The following PDZRN4 variants were observed in gnomAD, a reference collection of about 807,000 sequenced individuals.
The protein encoded by PDZRN4 is PDZ domain containing ring finger 4.
Under a neutral mutation model 99.0 loss-of-function variants are expected in PDZRN4, and 70 were observed. The observed-to-expected ratio is 0.71, with a 90% CI of 0.58 to 0.86. PDZRN4 has a LOEUF of 0.86. Among genes scored for constraint, PDZRN4 ranks in the 40% least tolerant of loss-of-function variants. The probability of loss-of-function intolerance (pLI) is 0.00; values close to 1 mark genes in which losing one functional copy is unlikely to be tolerated. For synonymous variants in PDZRN4, 551 were observed against 501.6 expected (o/e 1.10, Z -1.32); for missense variants, 1,474 against 1,331.2 (o/e 1.11, Z -1.67).
chr12:41,252,601 A>T (rs1006813398), intron 3 of PDZRN4, among the ~76,000 whole-genome samples: 2 of 152,098 alleles, frequency 1.3e-5, no homozygotes, highest in African/African-American at 4.8e-5. Context: ...TTAGCTTGAT[A>T]TGATGGCACA....
At chr12:41,208,947 G>A (rs1950868708) in intron 3 of PDZRN4, among the ~76,000 whole-genome samples, 1 of 151,774 alleles carries the variant, frequency 6.6e-6, no homozygotes. Flanking sequence ...CATGCTATAG[G>A]AATTTGGGAT....
chr12:41,221,796 G>A (rs1566371101), intron 3 of PDZRN4, among the ~76,000 whole-genome samples: 1 of 152,056 alleles, frequency 6.6e-6, no homozygotes, highest in Non-Finnish European at 1.5e-5. Flanking sequence ...TGGTGAGAAG[G>A]AGGCAACGGA....
intron 3 of PDZRN4, among the ~76,000 whole-genome samples, chr12:41,302,303 A>G (rs1192509835): frequency 2.0e-5 from 3 of 152,140 alleles, no homozygotes; most frequent in Non-Finnish European, 2.9e-5. Flanking sequence ...AAAATCATAT[A>G]GCCACAATCA....
At chr12:41,361,628 A>T (rs1285430501) in intron 3 of PDZRN4, among the ~76,000 whole-genome samples, 1 of 152,084 alleles carries the variant, frequency 6.6e-6, no homozygotes, top group Non-Finnish European at 1.5e-5. Flanking sequence ...CATAAATGAC[A>T]TCCCATCACA....
At chr12:41,316,494 G>GTA (rs894874363) in intron 3 of PDZRN4, among the ~76,000 whole-genome samples, 33 of 145,412 alleles carry the variant, frequency 2.3e-4, no homozygotes, top group African/African-American at 4.9e-4. Flanking sequence ...GTGTGTGTGT[G>GTA]TATAAAATAA....
intron 8 of PDZRN4, among the ~76,000 whole-genome samples, chr12:41,564,298 A>G (rs12814017): frequency 0.15 from 22,814 of 152,216 alleles, 2,022 homozygotes; most frequent in Middle Eastern, 0.23. Context: ...TAACTTCTAA[A>G]TGAATTTTTT....
intron 3 of PDZRN4, among the ~76,000 whole-genome samples, chr12:41,483,097 G>A (rs1937707228): frequency 6.6e-6 from 1 of 151,854 alleles, no homozygotes; most frequent in Admixed American, 6.6e-5. Flanking sequence ...ATTTACATGA[G>A]ATCTAAAGCA....
intron 3 of PDZRN4, among the ~76,000 whole-genome samples, chr12:41,225,355 A>G (rs1174728814): frequency 6.6e-6 from 1 of 152,104 alleles, no homozygotes; most frequent in Non-Finnish European, 1.5e-5. Flanking sequence ...GAAGAAAGCT[A>G]AAAATAAAGC....
intron 3 of PDZRN4, among the ~76,000 whole-genome samples, chr12:41,286,925 C>G (rs1951426291): frequency 6.6e-6 from 1 of 152,044 alleles, no homozygotes; most frequent in Non-Finnish European, 1.5e-5. Context: ...CTTTATGTTA[C>G]CTAGGCTTGG....
chr12:41,536,175 A>G (rs1938745391), intron 5 of PDZRN4, among the ~76,000 whole-genome samples: 1 of 152,226 alleles, frequency 6.6e-6, no homozygotes, highest in Admixed American at 6.5e-5. Flanking sequence ...TAAAACAGGA[A>G]AGCAACCAAG....
chr12:41,341,864 G>A (rs947973120), intron 3 of PDZRN4, among the ~76,000 whole-genome samples: 2 of 151,752 alleles, frequency 1.3e-5, no homozygotes, highest in Non-Finnish European at 2.9e-5. Context: ...AAATTCATAT[G>A]AAAACACAAA....
chr12:41,264,126 A>G (rs963924592), intron 3 of PDZRN4, among the ~76,000 whole-genome samples: 3 of 152,236 alleles, frequency 2.0e-5, no homozygotes, highest in African/African-American at 7.2e-5. Context: ...TAGCTGCCAT[A>G]TAATTACTTA....
At chr12:41,473,800 A>C (rs1953015967) in intron 3 of PDZRN4, among the ~76,000 whole-genome samples, 1 of 152,216 alleles carries the variant, frequency 6.6e-6, no homozygotes, top group Admixed American at 6.5e-5. Context: ...GATATCCAAT[A>C]AAACCCAACC....
intron 3 of PDZRN4, among the ~76,000 whole-genome samples, chr12:41,252,879 T>A (rs1478541584): frequency 2.0e-5 from 3 of 152,190 alleles, no homozygotes; most frequent in African/African-American, 7.2e-5. Context: ...TCTTGAATTG[T>A]AGTGGTGGTT....
chr12:41,471,302 G>A (rs1287030313), intron 3 of PDZRN4, among the ~76,000 whole-genome samples: 1 of 152,028 alleles, frequency 6.6e-6, no homozygotes, highest in East Asian at 1.9e-4. Flanking sequence ...GGTTTATTTT[G>A]TTTGCTATTT....
chr12:41,430,917 G>C (rs1952581316), intron 3 of PDZRN4, among the ~76,000 whole-genome samples: 1 of 152,166 alleles, frequency 6.6e-6, no homozygotes, highest in Non-Finnish European at 1.5e-5. Context: ...TGAAAGCAAA[G>C]GGGGAAAGAG....
rs1205298730 is a variant in PDZRN4, at chr12:41,411,731, C to T, written c.844-94725C>T. The T allele has an allele frequency of 2.6e-5, 4 of 152,172 alleles. No individual in the cohort carries two copies. The South Asian group carries it at 8.3e-4, about 32-fold the overall frequency. The allele number at this position is 152,172 out of a possible 1,614,324, so 9.4% of individuals were successfully genotyped here. The stretch of plus-strand genomic sequence containing the variant: ...TACATCAAAAGGCATTTCATTTAAA[C>T]CTAGTTAATTCTTTACAAGGCCCTG... On this transcript the variant is annotated intron_variant, in intron 3 of 9. Transcript: ENST00000402685.
chr12:41,335,277 T>C (rs1951765475), intron 3 of PDZRN4, among the ~76,000 whole-genome samples: 1 of 151,804 alleles, frequency 6.6e-6, no homozygotes, highest in South Asian at 2.1e-4. Context: ...TTATTTTTAT[T>C]ATTATACTTT....
At chr12:41,414,493 A>G (rs1388884167) in intron 3 of PDZRN4, among the ~76,000 whole-genome samples, 1 of 151,998 alleles carries the variant, frequency 6.6e-6, no homozygotes, top group Non-Finnish European at 1.5e-5. Flanking sequence ...ATAATCTCGT[A>G]TTTCTCAGCA....
Sources: gnomAD v4.1 joint callset for allele counts (sites outside exome capture counted in the v4.1 genomes callset) on GRCh38, gnomAD v4.1.1 for gene constraint, MANE v1.5 for transcripts, NCBI Gene and HGNC (gene_info 2026-07-23, HGNC 2026-07-21) for gene names.